GABBR2: variants seen among roughly 807,000 people sequenced by gnomAD.
GABBR2 encodes the protein gamma-aminobutyric acid type B receptor subunit 2.
Under a neutral mutation model 105.6 loss-of-function variants are expected in GABBR2, and 23 were observed. The observed-to-expected ratio is 0.22, with a 90% CI of 0.16 to 0.31. The LOEUF is 0.31. Ranked by LOEUF, GABBR2 falls within the 10% of genes least tolerant of loss-of-function variation. GABBR2 has a pLI of 1.00. For synonymous variants in GABBR2, 478 were observed against 499.7 expected (o/e 0.96, Z 0.58); for missense variants, 734 against 1,245.5 (o/e 0.59, Z 6.18).
chr9:98,654,116 T>A (rs2090198795), intron 1 of GABBR2, among the ~76,000 whole-genome samples: 1 of 152,220 alleles, frequency 6.6e-6, no homozygotes, highest in Non-Finnish European at 1.5e-5. Context: ...ACAAAATGTG[T>A]ACAGACACAG....
chr9:98,666,000 A>G (rs1203465886), intron 1 of GABBR2, among the ~76,000 whole-genome samples: 2 of 152,246 alleles, frequency 1.3e-5, no homozygotes, highest in African/African-American at 4.8e-5. Context: ...TGGGGTTTAC[A>G]GAGTGTTTGA....
intron 3 of GABBR2, among the ~76,000 whole-genome samples, chr9:98,534,408 C>G (rs1828128697): frequency 1.3e-5 from 2 of 152,150 alleles, no homozygotes; most frequent in African/African-American, 2.4e-5. Flanking sequence ...TGCAGTGGGG[C>G]TCCTGAATAG....
rs939018102 is a variant in GABBR2 at position 98,444,879 on chromosome 9, G to GCGCGCACACACACACA, written c.1236+9101_1236+9102insTGTGTGTGTGTGCGCG. The stretch of plus-strand genomic sequence containing the variant: ...CATGCATATGCACATGCGCGCGCGC[G>GCGCGCACACACACACA]CACACACACACACACACACACGCAC... On this transcript the variant is annotated intron_variant, in intron 7 of 18. Coordinates refer to ENST00000259455, the MANE Select transcript of GABBR2 (RefSeq NM_005458.8). 3.3e-5 allele frequency among the ~76,000 whole-genome samples: 5 copies of GCGCGCACACACACACA among 150,932 alleles called. No individual in the cohort carries two copies. In the East Asian group the frequency reaches 5.9e-4, roughly 18 times the overall value.
At chr9:98,382,017 A>G (rs1831985809) in intron 11 of GABBR2, among the ~76,000 whole-genome samples, 2 of 152,126 alleles carry the variant, frequency 1.3e-5, no homozygotes, top group South Asian at 4.1e-4. Context: ...GCTTGTGAAC[A>G]AGGCGAGATG....
At chr9:98,540,046 T>G (rs1018858813) in intron 3 of GABBR2, among the ~76,000 whole-genome samples, 8 of 152,238 alleles carry the variant, frequency 5.3e-5, no homozygotes, top group African/African-American at 1.7e-4. Context: ...TGTTTCACTC[T>G]CATTTTAGAA....
At position 98,454,797 on chromosome 9, in the gene GABBR2, G is replaced by GCCCA. The variant is rs1826296500; in HGVS notation, c.1000-584_1000-581dup. Among the ~76,000 whole-genome samples, 1 of 147,334 alleles carries GCCCA rather than the reference G, an allele frequency of 6.8e-6. No individual in the cohort carries two copies. The highest frequency in any genetic ancestry group is 1.5e-5 in the Non-Finnish European group (1 of 66,954). ...CCTTCCCACCCCTCTCCATCCTGCAGCCCAGCCAGGCTCAGTCCATACCTC... is the reference window on the plus strand; with the variant it reads ...CCTTCCCACCCCTCTCCATCCTGCAGCCCACCCAGCCAGGCTCAGTCCATACCTC... On this transcript the variant is annotated intron_variant, in intron 6 of 18. Coordinates refer to ENST00000259455, the MANE Select transcript of GABBR2 (RefSeq NM_005458.8). This position sits in a 1 kb window ranked among gnomAD's most constrained non-coding sequence, Gnocchi z 4.6.
At chr9:98,515,194 C>T (rs777864661) in intron 3 of GABBR2, among the ~76,000 whole-genome samples, 8 of 152,188 alleles carry the variant, frequency 5.3e-5, no homozygotes, top group Non-Finnish European at 1.2e-4. Context: ...GACGAGACTG[C>T]TGCATCTCCA....
chr9:98,370,581 C>T (rs1031867507), intron 12 of GABBR2, among the ~76,000 whole-genome samples: 53 of 152,258 alleles, frequency 3.5e-4, no homozygotes, highest in African/African-American at 1.2e-3. Context: ...GGCAGGTGGC[C>T]GGCCTGCTGC....
chr9:98,663,634 G>C (rs575080581), intron 1 of GABBR2, among the ~76,000 whole-genome samples: 1 of 144,424 alleles, frequency 6.9e-6, no homozygotes, highest in Non-Finnish European at 1.5e-5. Context: ...GAATGATCAG[G>C]AGGCTGAAAG....
chr9:98,432,247 C>T (rs942074428), intron 7 of GABBR2, among the ~76,000 whole-genome samples: 1 of 152,008 alleles, frequency 6.6e-6, no homozygotes, highest in African/African-American at 2.4e-5. Flanking sequence ...TTTAGGAAGG[C>T]TAATATGGTG....
chr9:98,490,886 G>A (rs1827162555), intron 4 of GABBR2, among the ~76,000 whole-genome samples: 1 of 152,112 alleles, frequency 6.6e-6, no homozygotes. Context: ...AGGGCCTCGC[G>A]ACTTCATCAC....
At chr9:98,325,156 G>A (rs958501476) in intron 13 of GABBR2, among the ~76,000 whole-genome samples, 1 of 152,038 alleles carries the variant, frequency 6.6e-6, no homozygotes, top group Non-Finnish European at 1.5e-5. Context: ...TTCATTTATG[G>A]TTAGATTGGA....
intron 2 of GABBR2, among the ~76,000 whole-genome samples, chr9:98,545,307 A>C (rs1201900132): frequency 6.6e-6 from 1 of 152,196 alleles, no homozygotes; most frequent in African/African-American, 2.4e-5. Context: ...ATTAACTGGC[A>C]CTGACATTTT....
intron 2 of GABBR2, among the ~76,000 whole-genome samples, chr9:98,573,887 T>A (rs562121456): frequency 3.3e-5 from 5 of 152,050 alleles, no homozygotes; most frequent in Non-Finnish European, 5.9e-5. Context: ...AAAAGTAAGA[T>A]TTTTTTTGCC....
Position 98,311,847 on chromosome 9 carries a change from G to A in GABBR2, c.1894-642C>T, listed in dbSNP as rs1323411467. ...GAGGTTTCCTCCTACAAAGTGCTCT[G>A]CCTAATGAGGGTTGATGGAGAGGAT... is the stretch of plus-strand genomic sequence containing the variant. On this transcript the variant is annotated intron_variant, in intron 13 of 18. Coordinates refer to ENST00000259455, the MANE Select transcript of GABBR2 (RefSeq NM_005458.8). Among the ~76,000 whole-genome samples the A allele has an allele frequency of 2.6e-5, 4 of 152,318 alleles. No individual in the cohort carries two copies. The East Asian group carries it at 7.7e-4, about 29-fold the overall frequency.
chr9:98,700,221 G>A (rs1324866216), intron 1 of GABBR2, among the ~76,000 whole-genome samples: 1 of 152,196 alleles, frequency 6.6e-6, no homozygotes, highest in Non-Finnish European at 1.5e-5. Context: ...GGTGTAGTAA[G>A]TAGTAGGGCA....
At chr9:98,513,567 A>C (rs957437299) in intron 3 of GABBR2, among the ~76,000 whole-genome samples, 2 of 151,966 alleles carry the variant, frequency 1.3e-5, no homozygotes, top group South Asian at 2.1e-4. Context: ...CAAAAAAAAA[A>C]CAAACAACCC....
At chr9:98,683,493 T>A (rs913215038) in intron 1 of GABBR2, among the ~76,000 whole-genome samples, 1 of 152,082 alleles carries the variant, frequency 6.6e-6, no homozygotes, top group Non-Finnish European at 1.5e-5. Flanking sequence ...TTAAACGAGA[T>A]CATGCATGTA....
intron 1 of GABBR2, among the ~76,000 whole-genome samples, chr9:98,615,397 T>C (rs1056670548): frequency 6.6e-6 from 1 of 152,256 alleles, no homozygotes; most frequent in African/African-American, 2.4e-5. Context: ...AGTGAAGTTC[T>C]ACATAATAAA....
Sources: gnomAD v4.1 joint callset for allele counts (sites outside exome capture counted in the v4.1 genomes callset) on GRCh38, gnomAD v4.1.1 for gene constraint, Gnocchi (gnomAD v3.1) non-coding constraint, MANE v1.5 for transcripts, NCBI Gene and HGNC (gene_info 2026-07-23, HGNC 2026-07-21) for gene names.